The following ACOT7 variants were observed in gnomAD, a reference collection of about 807,000 sequenced individuals.
ACOT7 encodes cytosolic acyl coenzyme A thioester hydrolase.
Under a neutral mutation model 40.2 loss-of-function variants are expected in ACOT7, and 12 were observed. The ratio of observed to expected loss-of-function variants is 0.30; its 90% CI spans 0.19 to 0.48. The LOEUF (loss-of-function observed/expected upper bound fraction) is 0.48. ACOT7 is among the 20% of genes least tolerant of loss of function. ACOT7 has a pLI of 0.99. For synonymous variants in ACOT7, 228 were observed against 219.5 expected, an observed-to-expected ratio of 1.04 and a Z score of -0.34; for missense variants, 395 against 530.8, an observed-to-expected ratio of 0.74 and a Z score of 2.51.
At chr1:6,309,818 G>A (rs1436593550) in intron 6 of ACOT7, among the ~76,000 whole-genome samples, 1 of 152,164 alleles carries the variant, frequency 6.6e-6, no homozygotes, top group Non-Finnish European at 1.5e-5. Flanking sequence ...AGTTCCCCAT[G>A]GAGCAGAACA....
chr1:6,324,448 TCAA>T (rs1640744542), intron 5 of ACOT7, among the ~76,000 whole-genome samples: 1 of 151,438 alleles, frequency 6.6e-6, no homozygotes, highest in African/African-American at 2.4e-5. Flanking sequence ...AGATTTACAG[TCAA>T]TCGGAGGCTG....
Position 6,355,538 on chromosome 1 carries a change from G to A in ACOT7, c.144-5672C>T, listed in dbSNP as rs982099981. Among the ~76,000 whole-genome samples the A allele has an allele frequency of 2.6e-5, 4 of 152,152 alleles. No homozygotes were observed. The highest frequency in any genetic ancestry group is 5.9e-5 in the Non-Finnish European group (4 of 68,030). On this transcript the variant is annotated intron_variant, in intron 1 of 8. Transcript: ENST00000361521. This position sits in a 1 kb window ranked among gnomAD's most constrained non-coding sequence, Gnocchi z 5.0. ...TGGGAGCAAGGTGACCACCTGGGGC[G>A]CAGGGACGACCATTCCAGGAAGGAG...
At position 6,344,763 on chromosome 1, in the gene ACOT7, CAAAAAA is replaced by C. The variant is rs58594477; in HGVS notation, c.261+4980_261+4985del. 3.0e-4 allele frequency among the ~76,000 whole-genome samples: 17 copies of C among 56,042 alleles called. No individual in the cohort carries two copies. In the South Asian group the frequency reaches 0.012, roughly 38 times the overall value. The allele number at this position is 56,042 out of a possible 152,430, so 36.8% of individuals were successfully genotyped here. A position where few individuals can be genotyped will look rare whatever the true frequency, so the allele number is the denominator to read the frequency against. On this transcript the variant is annotated intron_variant, in intron 2 of 8. Coordinates refer to ENST00000361521, the MANE Select transcript of ACOT7 (RefSeq NM_007274.4). ...TGGGCGACAGAGCAAGACTCTGTCTCAAAAAAAAAAAAAAAAAAAAAAAAAAAGAAA... is the reference window on the plus strand; with the variant it reads ...TGGGCGACAGAGCAAGACTCTGTCTCAAAAAAAAAAAAAAAAAAAAAGAAA...
At position 6,333,524 on chromosome 1, in the gene ACOT7, G is replaced by A; in HGVS notation, c.463C>T (p.Leu155=). The change falls in exon 4 of 9, where the codon CTG becomes TTG. Residue 155 remains leucine (L), a synonymous_variant. Transcript: ENST00000361521. The part of the protein sequence containing the change: ...TNKATLWYVP[L]SLKNVDKVLE... ...ACCTTGTCCACATTCTTCAGCGACA[G>A]GGGCACATACCACAGGGTGGCCTTA... is the stretch of plus-strand genomic sequence containing the variant. The A allele has an allele frequency of 6.2e-7, 1 of 1,614,232 alleles. No homozygotes were observed. The highest frequency in any genetic ancestry group is 1.1e-5 in the South Asian group (1 of 91,084).
intron 7 of ACOT7, among the ~76,000 whole-genome samples, chr1:6,283,957 T>C (rs1639427196): frequency 6.6e-6 from 1 of 152,102 alleles, no homozygotes. Flanking sequence ...ATCGCACCAC[T>C]GCACTCTAGC....
intron 1 of ACOT7, among the ~76,000 whole-genome samples, chr1:6,378,959 A>G (rs1026605806): frequency 1.3e-5 from 2 of 151,574 alleles, no homozygotes; most frequent in African/African-American, 4.8e-5. Context: ...GCAGTGGCGC[A>G]ATCTCGGCTC....
chr1:6,379,612 C>T (rs902997718), intron 1 of ACOT7, among the ~76,000 whole-genome samples: 7 of 151,686 alleles, frequency 4.6e-5, no homozygotes, highest in Admixed American at 3.9e-4. Flanking sequence ...TACAGGCATG[C>T]ACCACCACAC....
intron 1 of ACOT7, chr1:6,385,721 GC>G: frequency 6.4e-7 from 1 of 1,559,954 alleles, no homozygotes. Flanking sequence ...GCCCAGCAGA[GC>G]CCAAGCCTGT....
intron 6 of ACOT7, among the ~76,000 whole-genome samples, chr1:6,312,964 C>T (rs1640381690): frequency 6.6e-6 from 1 of 152,186 alleles, no homozygotes; most frequent in Non-Finnish European, 1.5e-5. Flanking sequence ...TTGAGAGAGA[C>T]ATGACACGGC....
At chr1:6,376,114 G>A (rs1312370107) in intron 1 of ACOT7, among the ~76,000 whole-genome samples, 2 of 152,070 alleles carry the variant, frequency 1.3e-5, no homozygotes, top group African/African-American at 4.8e-5. Context: ...AATTAGCCAT[G>A]CGTGGTGGCA....
rs150396451 is a variant in ACOT7, at chr1:6,335,129, G to A, written c.419-1561C>T. Among the ~76,000 whole-genome samples the A allele has an allele frequency of 7.2e-3, 1,101 of 152,104 alleles. 91 individuals are homozygous for A. The East Asian group carries it at 0.19, about 26-fold the overall frequency. On this transcript the variant is annotated intron_variant, in intron 3 of 8. Coordinates refer to ENST00000361521, the MANE Select transcript of ACOT7 (RefSeq NM_007274.4). ...GCGGATCACCTGAGGTCAGGAGTTT[G>A]AGGCCAGCCTGACCAACATGGAGAA... is the stretch of plus-strand genomic sequence containing the variant.
intron 1 of ACOT7, among the ~76,000 whole-genome samples, chr1:6,381,606 G>A (rs191310353): frequency 7.2e-5 from 11 of 151,916 alleles, no homozygotes; most frequent in Non-Finnish European, 1.3e-4. Context: ...TGGCATAGCC[G>A]CTGTGGAAAA....
Position 6,338,704 on chromosome 1 carries a change from G to C in ACOT7, c.418+729C>G, listed in dbSNP as rs886744562. 1.3e-5 allele frequency among the ~76,000 whole-genome samples: 2 copies of C among 152,178 alleles called. No individual in the cohort carries two copies. Among genetic ancestry groups the C allele is most frequent in the African/African-American group, 4.8e-5 (2 of 41,444 alleles). ...AGCCACTGCTGAGGAACAGGCATGG[G>C]GAAGAGGAGGAAACCGGCCCAGCCT... On this transcript the variant is annotated intron_variant, in intron 3 of 8. Coordinates refer to ENST00000361521, the MANE Select transcript of ACOT7 (RefSeq NM_007274.4). This position sits in a 1 kb window ranked among gnomAD's most constrained non-coding sequence, Gnocchi z 4.4.
At chr1:6,391,060 C>T (rs1450583077) in intron 1 of ACOT7, among the ~76,000 whole-genome samples, 1 of 152,100 alleles carries the variant, frequency 6.6e-6, no homozygotes, top group Non-Finnish European at 1.5e-5. Flanking sequence ...CTTTGAGAGG[C>T]TGAGGCGGGA....
chr1:6,281,390 G>T, intron 7 of ACOT7, 104 bp from the exon 8 acceptor site: 1 of 983,904 alleles, frequency 1.0e-6, no homozygotes, highest in Non-Finnish European at 1.6e-6. Flanking sequence ...GTTAGGGGAA[G>T]CAGTGGCTTG....
chr1:6,309,544 G>A (rs981487493), intron 6 of ACOT7, among the ~76,000 whole-genome samples: 2 of 151,808 alleles, frequency 1.3e-5, no homozygotes, highest in African/African-American at 4.8e-5. Flanking sequence ...CTTTTACTCC[G>A]AAAACATCTT....
intron 3 of ACOT7, among the ~76,000 whole-genome samples, chr1:6,337,516 C>T (rs1364482807): frequency 6.6e-6 from 1 of 152,222 alleles, no homozygotes; most frequent in African/African-American, 2.4e-5. Flanking sequence ...CTATTATGGG[C>T]CAGCAGAAGC....
At chr1:6,319,789 G>A (rs893617549) in intron 5 of ACOT7, among the ~76,000 whole-genome samples, 7 of 152,218 alleles carry the variant, frequency 4.6e-5, no homozygotes, top group East Asian at 1.9e-4. Context: ...ACCTAGCCCC[G>A]GCTCCTGGGT....
intron 5 of ACOT7, among the ~76,000 whole-genome samples, chr1:6,322,817 G>A (rs980593823): frequency 6.6e-6 from 1 of 152,192 alleles, no homozygotes; most frequent in African/African-American, 2.4e-5. Context: ...CCATGACCCA[G>A]AGGCACATCA....
Sources: gnomAD v4.1 joint callset for allele counts (sites outside exome capture counted in the v4.1 genomes callset) on GRCh38, gnomAD v4.1.1 for gene constraint, Gnocchi (gnomAD v3.1) non-coding constraint, MANE v1.5 for transcripts, NCBI Gene and HGNC (gene_info 2026-07-23, HGNC 2026-07-21) for gene names.